The following RHEB variants were observed in gnomAD, a reference collection of about 807,000 sequenced individuals.
RHEB encodes Ras homolog, mTORC1 binding.
A neutral mutation model predicts 28.8 loss-of-function variants in RHEB; 2 were observed. The ratio of observed to expected loss-of-function variants is 0.07; its 90% CI spans 0.03 to 0.22. The LOEUF is 0.22. RHEB is among the 10% of genes least tolerant of loss of function. RHEB has a pLI of 1.00. For synonymous variants in RHEB, 69 were observed against 77.3 expected (o/e 0.89, Z 0.56); for missense variants, 76 against 219.9 (o/e 0.35, Z 4.14).
At chr7:151,512,204 A>T (rs750065866) in intron 1 of RHEB, among the ~76,000 whole-genome samples, 1 of 152,248 alleles carries the variant, frequency 6.6e-6, no homozygotes, top group Non-Finnish European at 1.5e-5. Context: ...GTAACTAAGA[A>T]CAATCCAGCC....
intron 4 of RHEB, among the ~76,000 whole-genome samples, chr7:151,476,096 T>C (rs1005454179): frequency 9.2e-5 from 14 of 152,220 alleles, no homozygotes; most frequent in African/African-American, 3.1e-4. Flanking sequence ...TTCTCGGGGA[T>C]TGACAGTATG....
intron 3 of RHEB, among the ~76,000 whole-genome samples, chr7:151,483,629 T>C (rs990136527): frequency 3.3e-5 from 5 of 152,142 alleles, no homozygotes; most frequent in Non-Finnish European, 5.9e-5. Flanking sequence ...GCCAGGAGAA[T>C]TGCTTTAACT....
At chr7:151,502,815 A>C in intron 1 of RHEB, 6 of 1,280,288 alleles carry the variant, frequency 4.7e-6, no homozygotes, top group Non-Finnish European at 6.8e-6. Context: ...TCTGGGGACA[A>C]AGTGAATGTG....
At chr7:151,489,267 C>T (rs944892050) in intron 2 of RHEB, among the ~76,000 whole-genome samples, 3 of 152,062 alleles carry the variant, frequency 2.0e-5, no homozygotes, top group Non-Finnish European at 2.9e-5. Context: ...TATTAAGGTC[C>T]AAGATGATGA....
intron 1 of RHEB, among the ~76,000 whole-genome samples, chr7:151,495,237 G>C (rs1037522997): frequency 6.6e-6 from 1 of 152,170 alleles, no homozygotes; most frequent in Non-Finnish European, 1.5e-5. Context: ...AACTACACAG[G>C]AGTGATCCCA....
rs149501381 is a variant in RHEB at position 151,470,885 on chromosome 7, T to A, written c.381-233A>T. Among the ~76,000 whole-genome samples, 88 of 152,330 alleles carry A rather than the reference T, an allele frequency of 5.8e-4. 1 individual carries two copies. Among genetic ancestry groups the A allele is most frequent in the Non-Finnish European group, 1.1e-3 (76 of 68,034 alleles). On this transcript the variant is annotated intron_variant, in intron 6 of 7. Coordinates refer to ENST00000262187, the MANE Select transcript of RHEB (RefSeq NM_005614.4). ...GGATTATCCATGCTCCAGCAAACCTTCCAGCTCAGAGAACATGATCTTATT... is the reference window on the plus strand; with the variant it reads ...GGATTATCCATGCTCCAGCAAACCTACCAGCTCAGAGAACATGATCTTATT...
At chr7:151,503,986 T>C (rs1802822360) in intron 1 of RHEB, among the ~76,000 whole-genome samples, 1 of 152,138 alleles carries the variant, frequency 6.6e-6, no homozygotes, top group Admixed American at 6.5e-5. Flanking sequence ...CATTTCTCTC[T>C]TGGTCTGTTT....
chr7:151,508,100 C>T (rs1802920129), intron 1 of RHEB, among the ~76,000 whole-genome samples: 2 of 152,050 alleles, frequency 1.3e-5, no homozygotes, highest in African/African-American at 4.8e-5. Flanking sequence ...TTTCCTAGAA[C>T]GGTGGCCAAT....
At chr7:151,470,294 C>A in intron 7 of RHEB, 1 of 222,836 alleles carries the variant, frequency 4.5e-6, no homozygotes, top group African/African-American at 2.3e-5. Context: ...TAATACAAAC[C>A]AAAAATATAT....
rs977312227 is a variant in RHEB at position 151,467,055 on chromosome 7, A to C, written c.*64T>G. 4 of 1,174,280 alleles carry C rather than the reference A, an allele frequency of 3.4e-6. No homozygotes were observed. Among genetic ancestry groups the C allele is most frequent in the Non-Finnish European group, 3.8e-6 (3 of 782,242 alleles). The allele number at this position is 1,174,280 out of a possible 1,614,324, so 72.7% of individuals were successfully genotyped here. ...AAAGAAGCATAGTTTATCTTCAAGGAGAACGGGCAGTTTGCTTCTTCAGGT... is the reference window on the plus strand; with the variant it reads ...AAAGAAGCATAGTTTATCTTCAAGGCGAACGGGCAGTTTGCTTCTTCAGGT... On this transcript the variant is annotated 3_prime_UTR_variant, in exon 8 of 8. Coordinates refer to ENST00000262187, the MANE Select transcript of RHEB (RefSeq NM_005614.4).
At chr7:151,502,338 T>C (rs1410814482) in intron 1 of RHEB, 11 of 831,214 alleles carry the variant, frequency 1.3e-5, no homozygotes, top group Non-Finnish European at 2.3e-5. Flanking sequence ...GCAAAAATGT[T>C]ATCAGATGAG....
rs1050755310 is a variant in RHEB, at chr7:151,470,655, A to G, written c.381-3T>C. 25 of 1,598,402 alleles carry G rather than the reference A, an allele frequency of 1.6e-5. No individual in the cohort carries two copies. The highest frequency in any genetic ancestry group is 1.7e-5 in the Admixed American group (1 of 58,148). ...TCCCTTCTTCATAACTGATCACCCT[A>G]AAGAAAAAATAAAATTCTAGTTAAA... On this transcript the variant is annotated splice_polypyrimidine_tract_variant and splice_region_variant and intron_variant, in intron 6 of 7. Transcript: ENST00000262187.
chr7:151,486,609 G>T (rs1169543217), intron 2 of RHEB, among the ~76,000 whole-genome samples: 2 of 152,218 alleles, frequency 1.3e-5, no homozygotes, highest in African/African-American at 4.8e-5. Context: ...AGGTCCTACA[G>T]AACTTGGGAT....
intron 2 of RHEB, among the ~76,000 whole-genome samples, chr7:151,490,527 A>G (rs1165462561): frequency 6.6e-6 from 1 of 152,194 alleles, no homozygotes; most frequent in Non-Finnish European, 1.5e-5. Context: ...AAGGGTATAG[A>G]GAAATGTGGG....
intron 1 of RHEB, among the ~76,000 whole-genome samples, chr7:151,495,259 A>C (rs899023031): frequency 6.6e-6 from 1 of 152,222 alleles, no homozygotes; most frequent in African/African-American, 2.4e-5. Context: ...ATAAATGGAA[A>C]AGTAGCCCAT....
intron 2 of RHEB, among the ~76,000 whole-genome samples, chr7:151,488,642 C>T (rs912582469): frequency 2.0e-5 from 3 of 152,136 alleles, no homozygotes; most frequent in African/African-American, 4.8e-5. Flanking sequence ...ACATGCCTCA[C>T]GAACTTTTAA....
At chr7:151,478,738 C>A (rs977351324) in intron 3 of RHEB, among the ~76,000 whole-genome samples, 2 of 152,038 alleles carry the variant, frequency 1.3e-5, no homozygotes, top group African/African-American at 4.8e-5. Context: ...CAGGTTCAAG[C>A]GATTCTCCTG....
chr7:151,489,596 A>G (rs1485704076), intron 2 of RHEB, among the ~76,000 whole-genome samples: 1 of 152,252 alleles, frequency 6.6e-6, no homozygotes, highest in Non-Finnish European at 1.5e-5. Flanking sequence ...AGGGCCAGAC[A>G]GTACCAGTAA....
At chr7:151,505,893 T>C (rs981420013) in intron 1 of RHEB, among the ~76,000 whole-genome samples, 2 of 152,140 alleles carry the variant, frequency 1.3e-5, no homozygotes, top group Admixed American at 6.5e-5. Context: ...AAAATGAGTA[T>C]ATATTGTATG....
Sources: gnomAD v4.1 joint callset for allele counts (sites outside exome capture counted in the v4.1 genomes callset) on GRCh38, gnomAD v4.1.1 for gene constraint, MANE v1.5 for transcripts, NCBI Gene and HGNC (gene_info 2026-07-23, HGNC 2026-07-21) for gene names.